The following ACMSD variants were observed in gnomAD, a reference collection of about 807,000 sequenced individuals.
ACMSD encodes the protein aminocarboxymuconate semialdehyde decarboxylase, also known as 2-amino-3-carboxymuconate-6-semialdehyde decarboxylase.
In ACMSD, 37 loss-of-function variants were observed where a neutral mutation model predicts 45.9. That is an observed-to-expected ratio of 0.81 (90% CI 0.62 to 1.06). ACMSD has a LOEUF of 1.06. ACMSD is among the 50% of genes least tolerant of loss of function. The pLI, the probability that ACMSD is intolerant of heterozygous loss-of-function variation, is 0.00. For missense variants in ACMSD, 434 were observed against 420.9 expected (o/e 1.03, Z -0.27); for synonymous variants, 138 against 148.8 (o/e 0.93, Z 0.53).
intron 8 of ACMSD, among the ~76,000 whole-genome samples, chr2:134,876,044 T>G (rs1340169862): frequency 6.6e-6 from 1 of 152,156 alleles, no homozygotes; most frequent in Non-Finnish European, 1.5e-5. Context: ...GAAACATATC[T>G]AAACATAAAA....
chr2:134,887,233 G>C (rs1288284555), intron 8 of ACMSD, among the ~76,000 whole-genome samples: 1 of 152,044 alleles, frequency 6.6e-6, no homozygotes, highest in Non-Finnish European at 1.5e-5. Flanking sequence ...ATATACAAAG[G>C]ACTAGAAGAG....
chr2:134,885,306 A>ATATAATATATATATGTAAAT (rs1689299551), intron 8 of ACMSD, among the ~76,000 whole-genome samples: 1 of 75,422 alleles, frequency 1.3e-5, no homozygotes, highest in Non-Finnish European at 2.3e-5. Flanking sequence ...TATATATTTA[A>ATATAATATATATATGTAAAT]ATATATATAT....
chr2:134,869,032 C>T (rs1427980944), intron 6 of ACMSD: 1 of 151,612 alleles, frequency 6.6e-6, no homozygotes, highest in Admixed American at 6.6e-5. Context: ...TTTATATATT[C>T]CTGTGATTGC....
intron 9 of ACMSD, 54 bp downstream of exon 9, chr2:134,898,493 G>A: frequency 7.4e-7 from 1 of 1,353,960 alleles, no homozygotes; most frequent in Middle Eastern, 1.9e-4. Flanking sequence ...GCTCTAATTG[G>A]GTTTGGTTTC....
chr2:134,885,327 A>G (rs2104928713), intron 8 of ACMSD, among the ~76,000 whole-genome samples: 2 of 110,616 alleles, frequency 1.8e-5, no homozygotes, highest in East Asian at 4.7e-4. Flanking sequence ...ATAAATATAT[A>G]TGTAAATATA....
At position 134,839,672 on chromosome 2, in the gene ACMSD, T is replaced by C. The variant is rs1237558802; in HGVS notation, c.57+933T>C. 2.0e-5 allele frequency among the ~76,000 whole-genome samples: 3 copies of C among 152,234 alleles called. 1 individual carries two copies. The highest frequency in any genetic ancestry group is 4.4e-5 in the Non-Finnish European group (3 of 68,034). On this transcript the variant is annotated intron_variant, in intron 1 of 9. Transcript: ENST00000356140. ...TTGTCTCATTGAAGAATGTTTATCT[T>C]AAGTATTTCTTTGTCCATTGGTATC...
In ACMSD at chr2:134,863,412, T is replaced by G. The variant is rs752238527; in HGVS notation, c.267T>G (p.Thr89=). Residue 89 remains threonine (T), a synonymous_variant, in exon 5 of 10, where the codon ACT becomes ACG. Coordinates refer to ENST00000356140, the MANE Select transcript of ACMSD (RefSeq NM_138326.3). ...TCCACCAGGCCAAACCTGAGGACAC[T>G]TTAAACCTGTGCCAGCTTTTAAACA... ...MFSYWAKPED[T]LNLCQLLNND... is the part of the protein sequence containing the mutation. The G allele has an allele frequency of 4.3e-6, 7 of 1,614,086 alleles. No homozygotes were observed. The highest frequency in any genetic ancestry group is 5.9e-6 in the Non-Finnish European group (7 of 1,180,038).
intron 2 of ACMSD, among the ~76,000 whole-genome samples, chr2:134,849,129 T>A (rs1028207606): frequency 6.6e-6 from 1 of 152,142 alleles, no homozygotes. Context: ...TTACTCCATG[T>A]CCCTGTCTTC....
At chr2:134,848,828 T>C (rs1413343812) in intron 2 of ACMSD, among the ~76,000 whole-genome samples, 5 of 152,226 alleles carry the variant, frequency 3.3e-5, no homozygotes, top group Admixed American at 3.3e-4. Flanking sequence ...AGTCATGAAG[T>C]CTTTGCCCAT....
At chr2:134,900,490 A>G (rs2104978308) in intron 9 of ACMSD, among the ~76,000 whole-genome samples, 1 of 152,296 alleles carries the variant, frequency 6.6e-6, no homozygotes, top group South Asian at 2.1e-4. Flanking sequence ...GGCAATTCAG[A>G]TATGCCCAAG....
chr2:134,894,210 C>A (rs1689960818), intron 8 of ACMSD, among the ~76,000 whole-genome samples: 1 of 151,804 alleles, frequency 6.6e-6, no homozygotes, highest in Admixed American at 6.6e-5. Context: ...ACAAAATCGG[C>A]AAACCTTTAG....
intron 8 of ACMSD, among the ~76,000 whole-genome samples, chr2:134,874,203 G>A (rs1392848900): frequency 6.6e-6 from 1 of 152,154 alleles, no homozygotes; most frequent in African/African-American, 2.4e-5. Context: ...GGGACCTCCA[G>A]AAAAACTCAG....
At chr2:134,882,214 G>C (rs892589959) in intron 8 of ACMSD, among the ~76,000 whole-genome samples, 1 of 152,114 alleles carries the variant, frequency 6.6e-6, no homozygotes, top group South Asian at 2.1e-4. Context: ...AAGTATTTTG[G>C]TTACAAGATA....
chr2:134,869,510 G>C (rs1435808593), intron 6 of ACMSD, among the ~76,000 whole-genome samples: 2 of 152,122 alleles, frequency 1.3e-5, no homozygotes, highest in Non-Finnish European at 2.9e-5. Context: ...ACCGCACCCA[G>C]CCCACAAACT....
chr2:134,886,699 T>C (rs1446727413), intron 8 of ACMSD, among the ~76,000 whole-genome samples: 1 of 152,210 alleles, frequency 6.6e-6, no homozygotes, highest in East Asian at 1.9e-4. Context: ...GAGGCAAACA[T>C]GTCCACCCTC....
At chr2:134,867,730 C>G in intron 6 of ACMSD, 58 bp downstream of exon 6, 2 of 1,349,746 alleles carry the variant, frequency 1.5e-6, no homozygotes, top group Non-Finnish European at 2.1e-6. Flanking sequence ...TTCCAATCAT[C>G]TATGGAAACC....
intron 1 of ACMSD, among the ~76,000 whole-genome samples, chr2:134,839,313 C>T (rs952935288): frequency 6.6e-5 from 10 of 151,958 alleles, no homozygotes; most frequent in South Asian, 2.1e-4. Context: ...TCAAAAAACC[C>T]GAGAATAAAT....
chr2:134,890,156 A>G (rs1254805966), intron 8 of ACMSD, among the ~76,000 whole-genome samples: 2 of 152,100 alleles, frequency 1.3e-5, no homozygotes, highest in African/African-American at 2.4e-5. Context: ...GTGATTTCAC[A>G]TTAGAGAAAC....
chr2:134,845,087 A>G, intron 1 of ACMSD, 146 bp from the exon 2 acceptor site: 1 of 727,776 alleles, frequency 1.4e-6, no homozygotes, highest in Non-Finnish European at 2.4e-6. Context: ...TTAATTGTAA[A>G]TACTAAATAG....
Sources: gnomAD v4.1 joint callset for allele counts (sites outside exome capture counted in the v4.1 genomes callset) on GRCh38, gnomAD v4.1.1 for gene constraint, MANE v1.5 for transcripts, NCBI Gene and HGNC (gene_info 2026-07-23, HGNC 2026-07-21) for gene names.